The following RIMS1 variants were observed in gnomAD, a reference collection of about 807,000 sequenced individuals.
RIMS1 encodes regulating synaptic membrane exocytosis protein 1.
In RIMS1, 83 loss-of-function variants were observed where a neutral mutation model predicts 214.1. The ratio of observed to expected loss-of-function variants is 0.39; its 90% confidence interval spans 0.32 to 0.47. The LOEUF is 0.47. RIMS1 is among the 20% of genes least tolerant of loss of function. The probability of loss-of-function intolerance (pLI) is 0.99; values close to 1 mark genes in which losing one functional copy is unlikely to be tolerated. For synonymous variants in RIMS1, 793 were observed against 786.8 expected (o/e 1.01, Z -0.13); for missense variants, 2,050 against 2,161.8 (o/e 0.95, Z 1.03).
chr6:72,110,858 T>C (rs565379292), intron 4 of RIMS1, among the ~76,000 whole-genome samples: 26 of 152,296 alleles, frequency 1.7e-4, no homozygotes, highest in South Asian at 6.2e-4. Flanking sequence ...ATAGCTCTTA[T>C]TATTTTGAGA....
At position 72,162,622 on chromosome 6, in the gene RIMS1, G is replaced by T. The variant is rs564301110; in HGVS notation, c.472-16953G>T. ...TCTCAGCATTTGCTTGTCTGTAAAG[G>T]ATTTTATTTCTCCTTCACTTCTGAA... On this transcript the variant is annotated intron_variant, in intron 4 of 33. Transcript: ENST00000521978. 1.2e-4 allele frequency among the ~76,000 whole-genome samples: 17 copies of T among 140,150 alleles called. 4 individuals are homozygous for T. Among genetic ancestry groups the T allele is most frequent in the Admixed American group, 2.9e-4 (4 of 13,636 alleles). The allele number at this position is 140,150 out of a possible 152,430, so 91.9% of individuals were successfully genotyped here.
chr6:72,020,147 T>C (rs1585042300), intron 2 of RIMS1, among the ~76,000 whole-genome samples: 1 of 152,308 alleles, frequency 6.6e-6, no homozygotes, highest in African/African-American at 2.4e-5. Context: ...TAGTTCTACA[T>C]ATAGTCAGTT....
At chr6:72,079,953 C>T (rs879353172) in intron 2 of RIMS1, among the ~76,000 whole-genome samples, 21 of 150,464 alleles carry the variant, frequency 1.4e-4, no homozygotes, top group South Asian at 2.1e-4. Flanking sequence ...AAAAACAAAA[C>T]GGGCTGAGCA....
chr6:72,333,783 G>T lies in RIMS1; in HGVS notation c.4314G>T (p.Val1438=), dbSNP rs538961520. 2 of 1,596,982 alleles carry T rather than the reference G, an allele frequency of 1.3e-6. No individual in the cohort carries two copies. The highest frequency in any genetic ancestry group is 2.3e-5 in the East Asian group (1 of 44,036). Residue 1438 remains valine (V), a synonymous_variant, in exon 29 of 34, where the codon GTG becomes GTT. Transcript: ENST00000521978. The part of the protein sequence containing the change: ...KKRRSSLSAK[V]VAIVSRRSRS... Reference sequence around the variant, plus strand: ...GGAGATCCAGCCTTAGTGCCAAAGTGGTTGCCATAGTGTCTCGAAGGAGTA... The same window carrying T: ...GGAGATCCAGCCTTAGTGCCAAAGTTGTTGCCATAGTGTCTCGAAGGAGTA...
intron 4 of RIMS1, among the ~76,000 whole-genome samples, chr6:72,176,261 G>A (rs755435904): frequency 2.6e-5 from 4 of 151,942 alleles, no homozygotes; most frequent in Non-Finnish European, 5.9e-5. Flanking sequence ...GCATTTTTTT[G>A]TAGGCAAAGT....
chr6:72,161,505 G>T (rs1283241804), intron 4 of RIMS1, among the ~76,000 whole-genome samples: 1 of 140,032 alleles, frequency 7.1e-6, no homozygotes, highest in Non-Finnish European at 1.6e-5. Context: ...GATCTTTCCT[G>T]CTTTCTCTTG....
chr6:72,117,511 A>G (rs1364859383), intron 4 of RIMS1, among the ~76,000 whole-genome samples: 1 of 152,004 alleles, frequency 6.6e-6, no homozygotes, highest in East Asian at 1.9e-4. Flanking sequence ...CACATGTAAC[A>G]TTCTCCAAGA....
intron 4 of RIMS1, among the ~76,000 whole-genome samples, chr6:72,171,226 A>C (rs190585727): frequency 6.6e-6 from 1 of 151,896 alleles, no homozygotes; most frequent in African/African-American, 2.4e-5. Flanking sequence ...TAGTGTGTAA[A>C]CTAAACTTTA....
At chr6:72,041,580 C>T (rs979075680) in intron 2 of RIMS1, among the ~76,000 whole-genome samples, 5 of 151,916 alleles carry the variant, frequency 3.3e-5, no homozygotes, top group Non-Finnish European at 5.9e-5. Context: ...TTAAATTATA[C>T]TGCTGCTATT....
Position 72,328,384 on chromosome 6 carries a change from C to T in RIMS1, c.4131-5216C>T, listed in dbSNP as rs561189243. On this transcript the variant is annotated intron_variant, in intron 28 of 33. Transcript: ENST00000521978. The stretch of plus-strand genomic sequence containing the variant: ...ATGGGTGCAGCAAACCACCATGGCA[C>T]GTATATACCTATGTAACAAACCTTC... Among the ~76,000 whole-genome samples the T allele has an allele frequency of 3.3e-5, 5 of 151,650 alleles. No homozygotes were observed. In the East Asian group the frequency reaches 5.9e-4, roughly 18 times the overall value.
At chr6:72,171,952 A>G (rs886258797) in intron 4 of RIMS1, among the ~76,000 whole-genome samples, 19 of 152,204 alleles carry the variant, frequency 1.2e-4, no homozygotes, top group Non-Finnish European at 5.9e-5. Flanking sequence ...AAAGTACAAC[A>G]GAAGGATTGC....
At chr6:72,131,440 G>T (rs1477935727) in intron 4 of RIMS1, among the ~76,000 whole-genome samples, 1 of 152,144 alleles carries the variant, frequency 6.6e-6, no homozygotes. Flanking sequence ...TTAAAGCTGG[G>T]CGTCCGGGGG....
At chr6:71,982,280 A>C (rs1562022793) in intron 2 of RIMS1, among the ~76,000 whole-genome samples, 2 of 152,244 alleles carry the variant, frequency 1.3e-5, no homozygotes, top group South Asian at 4.1e-4. Flanking sequence ...TCAGCTGATA[A>C]TCTTGGGCCA....
At chr6:72,382,376 A>C (rs2098505341) in intron 29 of RIMS1, among the ~76,000 whole-genome samples, 1 of 152,218 alleles carries the variant, frequency 6.6e-6, no homozygotes, top group Admixed American at 6.5e-5. Flanking sequence ...CTAATAAAAA[A>C]TTCCAACTAT....
intron 29 of RIMS1, among the ~76,000 whole-genome samples, chr6:72,380,726 C>A (rs535978259): frequency 6.6e-6 from 1 of 152,146 alleles, no homozygotes; most frequent in East Asian, 1.9e-4. Flanking sequence ...GAGATAGGGT[C>A]TCTCTGTGTT....
chr6:71,903,970 A>G (rs1582205250), intron 1 of RIMS1, among the ~76,000 whole-genome samples: 1 of 152,152 alleles, frequency 6.6e-6, no homozygotes, highest in East Asian at 1.9e-4. Flanking sequence ...CATTCTTCCA[A>G]CAAGATAAAT....
chr6:72,350,238 G>A (rs548207883), intron 29 of RIMS1, among the ~76,000 whole-genome samples: 1 of 152,268 alleles, frequency 6.6e-6, no homozygotes, highest in African/African-American at 2.4e-5. Flanking sequence ...TGATGTTGCA[G>A]TAAATGTGTT....
At chr6:72,352,404 A>G (rs1213274892) in intron 29 of RIMS1, among the ~76,000 whole-genome samples, 3 of 152,216 alleles carry the variant, frequency 2.0e-5, no homozygotes, top group African/African-American at 7.2e-5. Context: ...TTTGCCCAGG[A>G]TCACATAGCT....
At chr6:72,170,529 G>C (rs1207797053) in intron 4 of RIMS1, among the ~76,000 whole-genome samples, 1 of 152,020 alleles carries the variant, frequency 6.6e-6, no homozygotes, top group African/African-American at 2.4e-5. Flanking sequence ...ATTTTTAGTA[G>C]AGATAGGGTT....
Sources: allele counts gnomAD v4.1 joint callset (sites outside exome capture counted in the v4.1 genomes callset), GRCh38; gene constraint gnomAD v4.1.1; transcripts MANE v1.5; gene names NCBI Gene and HGNC (gene_info 2026-07-23, HGNC 2026-07-21).